Variants in DGKH observed in about 807,000 individuals in gnomAD.
DGKH encodes DAG kinase eta.
In DGKH, 90 loss-of-function variants were observed where a neutral mutation model predicts 159.3. The observed-to-expected ratio is 0.57, with a 90% confidence interval of 0.48 to 0.67. The LOEUF is 0.67. Ranked by LOEUF, DGKH falls within the 30% of genes least tolerant of loss-of-function variation. The pLI is 0.00. For synonymous variants in DGKH, 536 were observed against 553.8 expected (o/e 0.97, Z 0.45); for missense variants, 1,181 against 1,506.1 (o/e 0.78, Z 3.57).
intron 1 of DGKH, among the ~76,000 whole-genome samples, chr13:42,040,599 C>T (rs1479361234): frequency 6.6e-6 from 1 of 151,330 alleles, no homozygotes; most frequent in East Asian, 1.9e-4. Flanking sequence ...GAGGCTGCGG[C>T]GGTGGCGGGG....
intron 1 of DGKH, among the ~76,000 whole-genome samples, chr13:42,071,852 A>G (rs1460229973): frequency 6.6e-6 from 1 of 152,192 alleles, no homozygotes; most frequent in Non-Finnish European, 1.5e-5. Context: ...AGTCACCGCC[A>G]TGTAACACCG....
Position 42,215,649 on chromosome 13 carries a change from A to G in DGKH, c.3195A>G (p.Leu1065=). ...KALYNETESL[L]VGRVPLQLES... ...TGTATAATGAAACAGAATCTTTGCTAGTTGGCAGGGTTCCTTTGGTAAGGA... is the reference window on the plus strand; with the variant it reads ...TGTATAATGAAACAGAATCTTTGCTGGTTGGCAGGGTTCCTTTGGTAAGGA... Residue 1065 remains leucine (L), a synonymous_variant, in exon 26 of 30, where the codon CTA becomes CTG. Transcript: ENST00000337343. 1.9e-6 allele frequency: 3 copies of G among 1,610,590 alleles called. No individual in the cohort carries two copies. The highest frequency in any genetic ancestry group is 2.5e-6 in the Non-Finnish European group (3 of 1,178,046).
In DGKH at chr13:42,199,907, G is replaced by C; in HGVS notation, c.2491G>C (p.Glu831Gln). The change falls in exon 20 of 30, where the codon GAG becomes CAG. Residue 831 changes from glutamate to glutamine, a missense_variant and splice_region_variant. This residue lies in a region of DGKH where 335 missense variants were observed against 495.2 expected (regional missense o/e 0.68). Transcript: ENST00000337343. ...GAATTTAGAACAAAGGGTTCAACTTGAGGTAAGTTCATCTTAAAGTAAAGA... is the reference window on the plus strand; with the variant it reads ...GAATTTAGAACAAAGGGTTCAACTTCAGGTAAGTTCATCTTAAAGTAAAGA... ...YKNLEQRVQL[E>Q]CDGQYIPLPS... 1 of 1,602,274 alleles carries C rather than the reference G, an allele frequency of 6.2e-7. No homozygotes were observed. The highest frequency in any genetic ancestry group is 8.5e-7 in the Non-Finnish European group (1 of 1,176,150).
chr13:42,196,578 A>G (rs1470752165), intron 17 of DGKH, among the ~76,000 whole-genome samples: 10 of 152,244 alleles, frequency 6.6e-5, no homozygotes, highest in Non-Finnish European at 2.9e-5. Context: ...GTCATAACGC[A>G]TAGAGACAGA....
chr13:42,129,698 G>A, intron 3 of DGKH, 66 bp downstream of exon 3: 1 of 1,421,506 alleles, frequency 7.0e-7, no homozygotes, highest in Non-Finnish European at 9.7e-7. Flanking sequence ...AGCGTGTACA[G>A]AATGCCCTGT....
At position 42,229,812 on chromosome 13, in the gene DGKH, T is replaced by A. The variant is rs1351377622; in HGVS notation, c.*624T>A. 1 of 152,390 alleles carries A rather than the reference T, an allele frequency of 6.6e-6. No homozygotes were observed. Among genetic ancestry groups the A allele is most frequent in the Non-Finnish European group, 1.5e-5 (1 of 68,046 alleles). 9.4% of individuals were successfully genotyped at this position (152,390 alleles called of 1,614,324 possible). ...ATGTCACATCTAATACTGTAACACTTTAAATAGCTTTCATGTCAGTTTTAA... is the reference window on the plus strand; with the variant it reads ...ATGTCACATCTAATACTGTAACACTATAAATAGCTTTCATGTCAGTTTTAA... On this transcript the variant is annotated 3_prime_UTR_variant, in exon 30 of 30. Transcript: ENST00000337343.
At chr13:42,109,495 G>A (rs1294101422) in intron 1 of DGKH, among the ~76,000 whole-genome samples, 1 of 152,184 alleles carries the variant, frequency 6.6e-6, no homozygotes, top group Admixed American at 6.5e-5. Flanking sequence ...GTAGCCTAAG[G>A]GAGAGAGGGC....
chr13:42,168,614 G>A (rs1956366657), intron 10 of DGKH, 65 bp from the exon 11 acceptor site: 1 of 1,612,876 alleles, frequency 6.2e-7, no homozygotes, highest in Non-Finnish European at 8.5e-7. Context: ...CCAGAGAGGT[G>A]CAGAAATGCA....
chr13:42,060,135 ACCT>A (rs1346793660), intron 1 of DGKH, among the ~76,000 whole-genome samples: 1 of 147,912 alleles, frequency 6.8e-6, no homozygotes, highest in Non-Finnish European at 1.5e-5. Flanking sequence ...CGAACTCCTG[ACCT>A]CAGGTGATCC....
intron 3 of DGKH, among the ~76,000 whole-genome samples, chr13:42,145,795 T>C (rs532866304): frequency 1.3e-5 from 2 of 152,304 alleles, no homozygotes; most frequent in East Asian, 3.9e-4. Context: ...TAACACTATT[T>C]AGTATGAAAT....
intron 1 of DGKH, chr13:42,069,075 C>G: frequency 4.9e-6 from 7 of 1,418,222 alleles, no homozygotes; most frequent in Non-Finnish European, 6.0e-6. Context: ...CTATTGGGCT[C>G]GAGCTGCTTA....
rs1957165156 is a variant in DGKH, at chr13:42,194,883, A to G, written c.2036-2A>G. ...TTTTTAATCTGGACTTTTTGCCAAC[A>G]GTTAAAACTGCACCTCGGTCTCCAG... On this transcript the variant is annotated splice_acceptor_variant, in intron 16 of 29. Transcript: ENST00000337343. LOFTEE classifies it high-confidence loss of function. 1 of 1,611,328 alleles carries G rather than the reference A, an allele frequency of 6.2e-7. No individual in the cohort carries two copies. Among genetic ancestry groups the G allele is most frequent in the Non-Finnish European group, 8.5e-7 (1 of 1,179,284 alleles).
intron 1 of DGKH, among the ~76,000 whole-genome samples, chr13:42,066,953 A>G (rs1249902514): frequency 6.6e-6 from 1 of 152,156 alleles, no homozygotes; most frequent in Non-Finnish European, 1.5e-5. Flanking sequence ...GAATGTATGT[A>G]TATGTTTTAT....
Position 42,165,264 on chromosome 13 carries a change from T to C in DGKH, c.856-67T>C, listed in dbSNP as rs976902308. On this transcript the variant is annotated intron_variant, in intron 7 of 29. Coordinates refer to ENST00000337343, the MANE Select transcript of DGKH (RefSeq NM_178009.5). ...AGTTGATTCTAGATTATCAGTTCCT[T>C]AGATGTGATTTATAATGGCAGAACA... 1.0e-5 allele frequency: 8 copies of C among 801,002 alleles called. No homozygotes were observed. In the African/African-American group the frequency reaches 1.4e-4, roughly 14 times the overall value. The allele number at this position is 801,002 out of a possible 1,614,324, so 49.6% of individuals were successfully genotyped here.
At chr13:42,186,403 C>T (rs894391924) in intron 13 of DGKH, among the ~76,000 whole-genome samples, 9 of 152,032 alleles carry the variant, frequency 5.9e-5, no homozygotes, top group Admixed American at 5.2e-4. Context: ...TTATTTCTAT[C>T]GCAAAGAAGC....
At position 42,203,507 on chromosome 13, in the gene DGKH, G is replaced by A. The variant is rs1368593633; in HGVS notation, c.2494-2532G>A. On this transcript the variant is annotated intron_variant, in intron 20 of 29. Transcript: ENST00000337343. ...AAAGTGAAGCTCTAAAAGCTTAAGG[G>A]ACTTACCCAAATACTAAGTGACAGA... Among the ~76,000 whole-genome samples, 6 of 152,286 alleles carry A rather than the reference G, an allele frequency of 3.9e-5. No individual in the cohort carries two copies. The East Asian group carries it at 1.2e-3, about 29-fold the overall frequency.
intron 1 of DGKH, among the ~76,000 whole-genome samples, chr13:42,056,044 C>T (rs1267273227): frequency 1.3e-5 from 2 of 152,178 alleles, no homozygotes; most frequent in Non-Finnish European, 2.9e-5. Flanking sequence ...GTCCCAGCTA[C>T]TTGGAACCAC....
chr13:42,169,364 G>C (rs189744311), intron 11 of DGKH, among the ~76,000 whole-genome samples: 1 of 152,248 alleles, frequency 6.6e-6, no homozygotes, highest in East Asian at 1.9e-4. Flanking sequence ...CAAATGAAGG[G>C]ACTATCATTG....
At chr13:42,079,616 C>T (rs1954163224) in intron 1 of DGKH, among the ~76,000 whole-genome samples, 1 of 152,124 alleles carries the variant, frequency 6.6e-6, no homozygotes, top group African/African-American at 2.4e-5. Flanking sequence ...TAGGTGTGCT[C>T]CCTTGACCTA....
Sources: allele counts gnomAD v4.1 joint callset (sites outside exome capture counted in the v4.1 genomes callset), GRCh38; gene constraint gnomAD v4.1.1; regional missense constraint gnomAD v4.1.1; transcripts MANE v1.5; gene names NCBI Gene and HGNC (gene_info 2026-07-23, HGNC 2026-07-21).